The following DNAH11 variants were observed in gnomAD, a reference collection of about 807,000 sequenced individuals.
The protein encoded by DNAH11 is axonemal beta dynein heavy chain 11.
A neutral mutation model predicts 526.0 loss-of-function variants in DNAH11; 442 were observed. The ratio of observed to expected loss-of-function variants is 0.84; its 90% CI spans 0.78 to 0.91. DNAH11 has a LOEUF of 0.91. Among genes scored for constraint, DNAH11 ranks in the 40% least tolerant of loss-of-function variants. The probability of loss-of-function intolerance (pLI) is 0.00; values close to 1 mark genes in which losing one functional copy is unlikely to be tolerated. For synonymous variants in DNAH11, 2,461 were observed against 1,935.9 expected (o/e 1.27, Z -7.12); for missense variants, 6,989 against 5,448.7 (o/e 1.28, Z -8.90).
At chr7:21,564,744 G>A (rs1185243438) in intron 6 of DNAH11, among the ~76,000 whole-genome samples, 3 of 152,094 alleles carry the variant, frequency 2.0e-5, no homozygotes, top group Admixed American at 2.0e-4. Flanking sequence ...GCTGATAAAA[G>A]CCTTTTGGAA....
At chr7:21,668,655 G>C (rs181543412) in intron 30 of DNAH11, among the ~76,000 whole-genome samples, 24 of 152,248 alleles carry the variant, frequency 1.6e-4, no homozygotes, top group Non-Finnish European at 3.2e-4. Context: ...CTCTGTCGTT[G>C]CATGTATTTG....
intron 12 of DNAH11, among the ~76,000 whole-genome samples, chr7:21,590,338 A>T (rs1784627868): frequency 6.6e-6 from 1 of 152,220 alleles, no homozygotes; most frequent in Non-Finnish European, 1.5e-5. Context: ...CACCATGGGT[A>T]TGCTTTAGGG....
At chr7:21,738,674 G>A (rs772922213) in intron 46 of DNAH11, 27 bp from the exon 47 acceptor site, 11 of 1,535,206 alleles carry the variant, frequency 7.2e-6, no homozygotes, top group Non-Finnish European at 9.6e-6. Context: ...CTGTTGATGG[G>A]TGGACAGAAA....
chr7:21,705,407 T>A, intron 38 of DNAH11, 53 bp from the exon 39 acceptor site: 5 of 1,595,196 alleles, frequency 3.1e-6, no homozygotes, highest in Non-Finnish European at 4.3e-6. Context: ...GTAGATTATC[T>A]TTTTGTCACC....
chr7:21,549,930 C>T lies in DNAH11; in HGVS notation c.495+4781C>T, dbSNP rs183705880. 3.5e-3 allele frequency among the ~76,000 whole-genome samples: 527 copies of T among 152,226 alleles called. 4 individuals are homozygous for T. Among genetic ancestry groups the T allele is most frequent in the African/African-American group, 0.012 (499 of 41,522 alleles). Reference sequence around the variant, plus strand: ...TAAATCTTATAGTTTGGGGTGCTACCGTCTTGGTTACATTAATAAGCAACC... The same window carrying T: ...TAAATCTTATAGTTTGGGGTGCTACTGTCTTGGTTACATTAATAAGCAACC... On this transcript the variant is annotated intron_variant, in intron 2 of 81. Coordinates refer to ENST00000409508, the MANE Select transcript of DNAH11 (RefSeq NM_001277115.2).
intron 35 of DNAH11, among the ~76,000 whole-genome samples, chr7:21,692,282 C>T (rs1047951701): frequency 1.1e-4 from 16 of 152,090 alleles, no homozygotes; most frequent in African/African-American, 3.9e-4. Flanking sequence ...AAAGCATAAC[C>T]ACAATCAAAG....
chr7:21,816,114 G>A (rs1789779119), intron 63 of DNAH11, among the ~76,000 whole-genome samples: 1 of 152,056 alleles, frequency 6.6e-6, no homozygotes, highest in African/African-American at 2.4e-5. Context: ...GGGGTGGGGG[G>A]CATGGATTGC....
chr7:21,816,147 G>A (rs950077090), intron 63 of DNAH11, among the ~76,000 whole-genome samples: 2 of 152,128 alleles, frequency 1.3e-5, no homozygotes. Flanking sequence ...TATATTTCTG[G>A]TGTCCTGCCA....
At chr7:21,724,450 A>G (rs1784996316) in intron 44 of DNAH11, among the ~76,000 whole-genome samples, 1 of 152,268 alleles carries the variant, frequency 6.6e-6, no homozygotes, top group South Asian at 2.1e-4. Context: ...AGCAAGTTTA[A>G]AAACTTCTAT....
At chr7:21,809,857 C>T (rs1476336389) in intron 63 of DNAH11, among the ~76,000 whole-genome samples, 10 of 152,264 alleles carry the variant, frequency 6.6e-5, no homozygotes, top group East Asian at 3.9e-4. Context: ...TGAACCACTA[C>T]ACCTGGCCTG....
At chr7:21,828,548 A>G (rs180896624) in intron 65 of DNAH11, among the ~76,000 whole-genome samples, 190 of 152,280 alleles carry the variant, frequency 1.2e-3, no homozygotes, top group African/African-American at 4.4e-3. Flanking sequence ...TTATCTGAAA[A>G]TAAATACCAA....
At chr7:21,898,523 C>T (rs1342160465) in intron 79 of DNAH11, among the ~76,000 whole-genome samples, 1 of 152,234 alleles carries the variant, frequency 6.6e-6, no homozygotes, top group Non-Finnish European at 1.5e-5. Flanking sequence ...GCCTTTCCTT[C>T]TAGAGAACTC....
intron 65 of DNAH11, among the ~76,000 whole-genome samples, chr7:21,831,778 T>G (rs1250456723): frequency 6.6e-6 from 1 of 152,204 alleles, no homozygotes; most frequent in African/African-American, 2.4e-5. Flanking sequence ...AGATACTTGA[T>G]TAAACATTTA....
intron 18 of DNAH11, among the ~76,000 whole-genome samples, 158 bp downstream of exon 18, chr7:21,601,776 A>T (rs1485153998): frequency 6.6e-6 from 1 of 151,976 alleles, no homozygotes; most frequent in Non-Finnish European, 1.5e-5. Context: ...ACTTAAGGAG[A>T]TTTAATAACT....
intron 74 of DNAH11, among the ~76,000 whole-genome samples, chr7:21,878,384 C>T (rs943363213): frequency 6.6e-6 from 1 of 152,110 alleles, no homozygotes; most frequent in African/African-American, 2.4e-5. Context: ...ATCTGTAATT[C>T]AGAAAGGTAT....
chr7:21,862,485 C>A (rs774524281), intron 69 of DNAH11, among the ~76,000 whole-genome samples: 1 of 151,894 alleles, frequency 6.6e-6, no homozygotes, highest in Non-Finnish European at 1.5e-5. Context: ...TAATTAATAA[C>A]GCATATTTTT....
At chr7:21,627,736 G>T (rs1356764013) in intron 25 of DNAH11, among the ~76,000 whole-genome samples, 1 of 151,994 alleles carries the variant, frequency 6.6e-6, no homozygotes, top group Non-Finnish European at 1.5e-5. Flanking sequence ...TGTTCTTTTT[G>T]CTCAGGATTG....
At chr7:21,839,356 C>T (rs961776368) in intron 65 of DNAH11, among the ~76,000 whole-genome samples, 1 of 151,918 alleles carries the variant, frequency 6.6e-6, no homozygotes, top group African/African-American at 2.4e-5. Context: ...GGGCAAATCA[C>T]GAGGTCAGGA....
At chr7:21,629,446 ATGTTT>A (rs1786497335) in intron 25 of DNAH11, among the ~76,000 whole-genome samples, 6 of 152,040 alleles carry the variant, frequency 3.9e-5, no homozygotes, top group Admixed American at 3.9e-4. Context: ...TTTAAGTCTG[ATGTTT>A]CTTTGTTGAT....
Sources: allele counts gnomAD v4.1 joint callset (sites outside exome capture counted in the v4.1 genomes callset), GRCh38; gene constraint gnomAD v4.1.1; transcripts MANE v1.5; gene names NCBI Gene and HGNC (gene_info 2026-07-23, HGNC 2026-07-21).